Variants in VIPR1 observed in about 807,000 individuals in gnomAD.
VIPR1 encodes the protein vasoactive intestinal polypeptide receptor 1.
Under a neutral mutation model 58.8 loss-of-function variants are expected in VIPR1, and 59 were observed. That is an observed-to-expected ratio of 1.00 (90% CI 0.81 to 1.25). The LOEUF is 1.25. Among genes scored for constraint, VIPR1 ranks in the 50% most tolerant of loss-of-function variants. VIPR1 has a pLI of 0.00. For synonymous variants in VIPR1, 251 were observed against 242.1 expected (o/e 1.04, Z -0.34); for missense variants, 626 against 602.7 (o/e 1.04, Z -0.40).
At chr3:42,512,993 TGGCCAG>T (rs1700435654) in intron 1 of VIPR1, 2 of 734,642 alleles carry the variant, frequency 2.7e-6, no homozygotes, top group African/African-American at 6.9e-5. Flanking sequence ...CCCTGATCCC[TGGCCAG>T]GGTACAGGGA....
chr3:42,500,782 C>A (rs1250347356), upstream of VIPR1, among the ~76,000 whole-genome samples: 1 of 152,168 alleles, frequency 6.6e-6, no homozygotes, highest in Non-Finnish European at 1.5e-5. Context: ...GAGGATGATT[C>A]AAACACTCCC....
intron 10 of VIPR1, chr3:42,533,450 T>A (rs981160381): frequency 6.6e-6 from 1 of 151,674 alleles, no homozygotes; most frequent in South Asian, 2.1e-4. Flanking sequence ...ATCTGCAGTC[T>A]GCTGAGGGGC....
At chr3:42,497,205 A>T (rs1169736771) in intron 1 of VIPR1, among the ~76,000 whole-genome samples, 1 of 152,086 alleles carries the variant, frequency 6.6e-6, no homozygotes, top group African/African-American at 2.4e-5. Flanking sequence ...CCCCCTCAGG[A>T]ATTCACTGCC....
intron 3 of VIPR1, among the ~76,000 whole-genome samples, chr3:42,522,646 T>C (rs1469798979): frequency 1.3e-5 from 2 of 152,112 alleles, no homozygotes; most frequent in African/African-American, 2.4e-5. Context: ...GAGAGTTCCA[T>C]GGTCAGGTCT....
chr3:42,529,650 A>C (rs1701427980), intron 6 of VIPR1: 1 of 152,114 alleles, frequency 6.6e-6, no homozygotes, highest in Non-Finnish European at 1.5e-5. Context: ...ACAGGAAGGA[A>C]GGGTGGGAAC....
intron 2 of VIPR1, among the ~76,000 whole-genome samples, chr3:42,518,611 G>A (rs892416101): frequency 6.6e-6 from 1 of 152,068 alleles, no homozygotes; most frequent in Non-Finnish European, 1.5e-5. Context: ...TGGCGGCATG[G>A]GCCTATAGTC....
chr3:42,506,652 C>CT (rs1700132028), intron 1 of VIPR1: 1 of 152,168 alleles, frequency 6.6e-6, no homozygotes, highest in Non-Finnish European at 1.5e-5. Flanking sequence ...CTCAGCCTCC[C>CT]TAGGAGCTGA....
At chr3:42,522,103 T>TA (rs1559489654) in intron 3 of VIPR1, among the ~76,000 whole-genome samples, 1 of 11,830 alleles carries the variant, frequency 8.5e-5, no homozygotes, top group African/African-American at 5.9e-4. Flanking sequence ...ATATATATAT[T>TA]TTTTTTTTTT....
intron 1 of VIPR1, among the ~76,000 whole-genome samples, chr3:42,503,418 T>C (rs989526705): frequency 2.0e-5 from 3 of 152,064 alleles, no homozygotes; most frequent in African/African-American, 7.2e-5. Flanking sequence ...AGGGTGGTGG[T>C]TAACAGGAGG....
intron 1 of VIPR1, among the ~76,000 whole-genome samples, chr3:42,494,659 G>A (rs759123560): frequency 6.6e-6 from 1 of 152,030 alleles, no homozygotes; most frequent in African/African-American, 2.4e-5. Context: ...CTATTTACTG[G>A]TCTGCTCAAG....
At chr3:42,507,204 A>AT (rs1293122827) in intron 1 of VIPR1, 1 of 152,236 alleles carries the variant, frequency 6.6e-6, no homozygotes, top group East Asian at 1.9e-4. Context: ...CCGGAATGTA[A>AT]TGAAGTGCCA....
upstream of VIPR1, among the ~76,000 whole-genome samples, chr3:42,500,980 G>T (rs539519323): frequency 2.0e-4 from 30 of 152,098 alleles, no homozygotes; most frequent in Non-Finnish European, 3.4e-4. Flanking sequence ...CCACCTCTGT[G>T]CCCCCAGTGC....
At chr3:42,531,449 T>A in intron 7 of VIPR1, 22 bp from the exon 8 acceptor site, 1 of 1,564,036 alleles carries the variant, frequency 6.4e-7, no homozygotes, top group Non-Finnish European at 8.7e-7. Context: ...CTCTGCTCTT[T>A]CACTCTCCCT....
intron 1 of VIPR1, among the ~76,000 whole-genome samples, chr3:42,496,469 G>A (rs115312098): frequency 6.6e-6 from 1 of 152,280 alleles, no homozygotes; most frequent in African/African-American, 2.4e-5. Flanking sequence ...CATATTTTTA[G>A]TTACATATAC....
chr3:42,498,790 C>G (rs1386909991), upstream of VIPR1, among the ~76,000 whole-genome samples: 1 of 152,162 alleles, frequency 6.6e-6, no homozygotes, highest in Non-Finnish European at 1.5e-5. Context: ...ACAGTCACGT[C>G]CCCAATCCCC....
At chr3:42,506,426 C>T (rs1244994589) in intron 1 of VIPR1, 1 of 152,364 alleles carries the variant, frequency 6.6e-6, no homozygotes, top group Admixed American at 6.5e-5. Context: ...CCCCCAGATT[C>T]TGCCTTCCCC....
intron 1 of VIPR1, chr3:42,512,245 G>A (rs1011233772): frequency 2.6e-5 from 4 of 152,296 alleles, no homozygotes; most frequent in East Asian, 1.9e-4. Flanking sequence ...GCTTCTGGGA[G>A]TGTTGGCCTG....
At chr3:42,531,690 C>A (rs982107805) in intron 8 of VIPR1, 113 bp from the exon 9 acceptor site, 1 of 1,543,344 alleles carries the variant, frequency 6.5e-7, no homozygotes, top group Non-Finnish European at 8.9e-7. Context: ...AGACTCTGGG[C>A]CCGGGGTTGC....
chr3:42,496,247 A>T (rs115330113), intron 1 of VIPR1, among the ~76,000 whole-genome samples: 6,084 of 152,094 alleles, frequency 0.04, 291 homozygotes, highest in African/African-American at 0.12. Flanking sequence ...AAGCTAATAC[A>T]TCTCCCTTAT....
Sources: gnomAD v4.1 joint callset for allele counts (sites outside exome capture counted in the v4.1 genomes callset) on GRCh38, gnomAD v4.1.1 for gene constraint, MANE v1.5 for transcripts, NCBI Gene and HGNC (gene_info 2026-07-23, HGNC 2026-07-21) for gene names.